The following PCSK1 variants were observed in gnomAD, a reference collection of about 807,000 sequenced individuals.
PCSK1 encodes the protein proprotein convertase subtilisin/kexin type 1.
Under a neutral mutation model 90.6 loss-of-function variants are expected in PCSK1, and 56 were observed. The observed-to-expected ratio is 0.62, with a 90% CI of 0.50 to 0.77. PCSK1 has a LOEUF of 0.77. Among genes scored for constraint, PCSK1 ranks in the 30% least tolerant of loss-of-function variants. PCSK1 has a pLI of 0.00. For missense variants in PCSK1, 801 were observed against 932.6 expected (o/e 0.86, Z 1.84); for synonymous variants, 348 against 342.4 (o/e 1.02, Z -0.18).
chr5:96,418,482 C>T (rs960051986), intron 5 of PCSK1, among the ~76,000 whole-genome samples: 1 of 152,150 alleles, frequency 6.6e-6, no homozygotes, highest in Admixed American at 6.5e-5. Flanking sequence ...TAATGGTAAG[C>T]ATTACCTGCA....
In PCSK1 at chr5:96,432,925, G is replaced by A. The variant is rs1475159276; in HGVS notation, c.118C>T (p.Pro40Ser). 2 of 1,614,160 alleles carry A rather than the reference G, an allele frequency of 1.2e-6. No homozygotes were observed. Among genetic ancestry groups the A allele is most frequent in the East Asian group, 4.5e-5 (2 of 44,876 alleles). ...GCCGAGGCTGCTTCCGGGCCCCCGGGGATCTCCGCTGCCCATTCATTGACA... is the reference window on the plus strand; with the variant it reads ...GCCGAGGCTGCTTCCGGGCCCCCGGAGATCTCCGCTGCCCATTCATTGACA... ...QFVNEWAAEIPGGPEAASAIA... is the reference protein window; with the variant it reads ...QFVNEWAAEISGGPEAASAIA... The change falls in exon 1 of 14, where the codon CCC becomes TCC. Residue 40 changes from proline to serine, a missense_variant. Physicochemically the swap from Pro to Ser is moderately conservative, Grantham distance 74 (BLOSUM62 -1). Transcript: ENST00000311106.
At chr5:96,412,752 G>GTTTTGTTTTTTTTTTT (rs1760801934) in intron 6 of PCSK1, among the ~76,000 whole-genome samples, 1 of 71,832 alleles carries the variant, frequency 1.4e-5, no homozygotes, top group African/African-American at 9.0e-5. Flanking sequence ...CAGCTGTGAT[G>GTTTTGTTTTTTTTTTT]TTTTTTTTTT....
At chr5:96,404,326 C>T (rs1470549522) in intron 9 of PCSK1, among the ~76,000 whole-genome samples, 2 of 152,208 alleles carry the variant, frequency 1.3e-5, no homozygotes, top group Non-Finnish European at 2.9e-5. Context: ...ATACCAGAAA[C>T]TCCTAGGCAG....
Position 96,412,350 on chromosome 5 carries a change from C to G in PCSK1, c.850G>C (p.Ala284Pro), listed in dbSNP as rs772622488. 1 of 1,614,196 alleles carries G rather than the reference C, an allele frequency of 6.2e-7. No homozygotes were observed. Among genetic ancestry groups the G allele is most frequent in the Non-Finnish European group, 8.5e-7 (1 of 1,180,032 alleles). Residue 284 changes from alanine (A) to proline (P), a missense_variant, in exon 7 of 14, where the codon GCC becomes CCC. Physicochemically the swap from Ala to Pro is conservative, Grantham distance 27 (BLOSUM62 -1). Transcript: ENST00000311106. ...ACACCATATTCAAAAGCCTTCTGGG[C>G]TAGCCGGCCAGGCCCCTCCACAGTT... ...GKTVEGPGRLAQKAFEYGVKQ... is the reference protein window; with the variant it reads ...GKTVEGPGRLPQKAFEYGVKQ...
At chr5:96,425,048 G>GAAAA (rs1444522643) in intron 3 of PCSK1, among the ~76,000 whole-genome samples, 1,435 of 123,966 alleles carry the variant, frequency 0.012, 27 homozygotes, top group Non-Finnish European at 0.018. Context: ...AAGAAAGAAA[G>GAAAA]AAAGAAAGAA....
intron 9 of PCSK1, among the ~76,000 whole-genome samples, chr5:96,401,085 T>TAAA (rs1275883214): frequency 8.2e-5 from 1 of 12,206 alleles, no homozygotes. Flanking sequence ...GGACTCCGTC[T>TAAA]CAAAAAAAAA....
Position 96,390,585 on chromosome 5 carries a change from A to C in PCSK1, c.*2416T>G, listed in dbSNP as rs1479174431. ...TTGACAGAGGAACATGCCTTTCAAA[A>C]ATATTTTATTGGGTGAAACTTTCTT... On this transcript the variant is annotated 3_prime_UTR_variant, in exon 14 of 14. Transcript: ENST00000311106. The C allele has an allele frequency of 6.6e-6, 1 of 152,642 alleles. No homozygotes were observed. Among genetic ancestry groups the C allele is most frequent in the Non-Finnish European group, 1.5e-5 (1 of 68,040 alleles). 9.5% of individuals were successfully genotyped at this position (152,642 alleles called of 1,614,324 possible).
intron 8 of PCSK1, among the ~76,000 whole-genome samples, chr5:96,409,665 C>G (rs989324648): frequency 6.6e-6 from 1 of 152,190 alleles, no homozygotes; most frequent in Non-Finnish European, 1.5e-5. Flanking sequence ...GCTCTGGACA[C>G]CCAGGGAAAT....
intron 6 of PCSK1, among the ~76,000 whole-genome samples, chr5:96,415,331 C>A (rs887624810): frequency 6.6e-6 from 1 of 152,112 alleles, no homozygotes; most frequent in Non-Finnish European, 1.5e-5. Flanking sequence ...GTACTCAAGG[C>A]CTATCCAGTG....
intron 3 of PCSK1, among the ~76,000 whole-genome samples, chr5:96,424,710 C>T (rs1663915323): frequency 6.6e-6 from 1 of 152,090 alleles, no homozygotes; most frequent in Non-Finnish European, 1.5e-5. Flanking sequence ...TGCCTGTAAT[C>T]CCAGCACTTT....
At position 96,397,420 on chromosome 5, in the gene PCSK1, A is replaced by G; in HGVS notation, c.1638T>C (p.Asn546=). The change falls in exon 12 of 14, where the codon AAT becomes AAC. Residue 546 remains asparagine, a synonymous_variant. Coordinates refer to ENST00000311106, the MANE Select transcript of PCSK1 (RefSeq NM_000439.5). The stretch of plus-strand genomic sequence containing the variant: ...ACATGAAGTCCCAATTCTTAAAGCC[A>G]TTAGGAGATGTATCCCGTTCTCTTT... ...LAERERDTSP[N]GFKNWDFMSV... 6.2e-7 allele frequency: 1 copy of G among 1,612,460 alleles called. No homozygotes were observed.
At chr5:96,423,611 G>T (rs552011988) in intron 3 of PCSK1, 152 bp from the exon 4 acceptor site, 20 of 736,666 alleles carry the variant, frequency 2.7e-5, no homozygotes, top group Non-Finnish European at 4.3e-5. Context: ...AGAAAACAAA[G>T]TTGAGAGTAA....
chr5:96,423,647 C>T (rs923886017), intron 3 of PCSK1, among the ~76,000 whole-genome samples, 188 bp from the exon 4 acceptor site: 2 of 152,206 alleles, frequency 1.3e-5, no homozygotes, highest in Non-Finnish European at 2.9e-5. Flanking sequence ...CAGAGTGCTG[C>T]TCTTCTCCCG....
intron 2 of PCSK1, 144 bp from the exon 3 acceptor site, chr5:96,426,074 A>T: frequency 1.5e-6 from 1 of 679,300 alleles, no homozygotes; most frequent in South Asian, 1.6e-5. Context: ...CTGGCACCTC[A>T]GTGAGAAGAA....
intron 3 of PCSK1, among the ~76,000 whole-genome samples, chr5:96,424,148 A>G (rs1365035119): frequency 6.6e-6 from 1 of 152,198 alleles, no homozygotes; most frequent in Admixed American, 6.5e-5. Context: ...TGTGAGACAG[A>G]GACAGTAAAA....
chr5:96,405,875 A>G (rs1467093831), intron 9 of PCSK1, among the ~76,000 whole-genome samples: 1 of 152,224 alleles, frequency 6.6e-6, no homozygotes, highest in Non-Finnish European at 1.5e-5. Flanking sequence ...ACGGCTAGTT[A>G]TATTTACATG....
chr5:96,426,602 C>T (rs77736742), intron 2 of PCSK1, among the ~76,000 whole-genome samples: 2,053 of 152,266 alleles, frequency 0.013, 44 homozygotes, highest in African/African-American at 0.048. Context: ...CCCATATTTA[C>T]AGCATAATAC....
chr5:96,407,626 C>T (rs145145484), intron 9 of PCSK1, among the ~76,000 whole-genome samples: 9 of 152,252 alleles, frequency 5.9e-5, no homozygotes, highest in Non-Finnish European at 1.3e-4. Flanking sequence ...TCAGAGATGA[C>T]AACTAATATT....
chr5:96,433,037 C>T lies in PCSK1; in HGVS notation c.6G>A (p.Glu2=), dbSNP rs1761557803. 2 of 1,614,022 alleles carry T rather than the reference C, an allele frequency of 1.2e-6. No individual in the cohort carries two copies. Among genetic ancestry groups the T allele is most frequent in the Non-Finnish European group, 1.7e-6 (2 of 1,179,886 alleles). ...TGCACTGCAGACTCCAGGCTCTTCG[C>T]TCCATAGCTCACACACTCGCTTGAA... is the stretch of plus-strand genomic sequence containing the variant. The part of the protein sequence containing the change: M[E]RRAWSLQCTA... The change falls in exon 1 of 14, where the codon GAG becomes GAA. Residue 2 remains glutamate (E), a synonymous_variant. Coordinates refer to ENST00000311106, the MANE Select transcript of PCSK1 (RefSeq NM_000439.5).
Sources: gnomAD v4.1 joint callset for allele counts (sites outside exome capture counted in the v4.1 genomes callset) on GRCh38, gnomAD v4.1.1 for gene constraint, MANE v1.5 for transcripts, NCBI Gene and HGNC (gene_info 2026-07-23, HGNC 2026-07-21) for gene names.